GRM1: variants seen among roughly 807,000 people sequenced by gnomAD.
The protein encoded by GRM1 is metabotropic glutamate receptor 1.
GRM1 carries 33 observed loss-of-function variants against 90.9 expected under a neutral mutation model. The observed-to-expected ratio is 0.36, with a 90% CI of 0.28 to 0.49. The LOEUF is 0.49. GRM1 is among the 20% of genes least tolerant of loss of function. The pLI, the probability that GRM1 is intolerant of heterozygous loss-of-function variation, is 0.99. For missense variants in GRM1, 1,190 were observed against 1,534.3 expected, an observed-to-expected ratio of 0.78 and a Z score of 3.75; for synonymous variants, 700 against 613.2, an observed-to-expected ratio of 1.14 and a Z score of -2.09.
chr6:146,320,246 G>C (rs1784125999), intron 3 of GRM1, among the ~76,000 whole-genome samples: 1 of 152,140 alleles, frequency 6.6e-6, no homozygotes, highest in African/African-American at 2.4e-5. Flanking sequence ...CATTGGTTCT[G>C]TTTCTGTGAT....
intron 1 of GRM1, among the ~76,000 whole-genome samples, chr6:146,055,474 T>C (rs781681897): frequency 3.3e-5 from 5 of 152,152 alleles, no homozygotes; most frequent in African/African-American, 4.8e-5. Context: ...ATCAAAGTTA[T>C]TCCAAAATCA....
At chr6:146,186,880 G>A (rs964108269) in intron 2 of GRM1, among the ~76,000 whole-genome samples, 2 of 152,178 alleles carry the variant, frequency 1.3e-5, no homozygotes, top group Non-Finnish European at 2.9e-5. Flanking sequence ...AACTGTCTAA[G>A]AAGGGAGTTT....
chr6:146,164,567 C>T (rs1437683212), intron 2 of GRM1, among the ~76,000 whole-genome samples: 1 of 152,082 alleles, frequency 6.6e-6, no homozygotes, highest in Middle Eastern at 3.2e-3. Flanking sequence ...CTTCAATCAG[C>T]CTGTATCTGA....
chr6:146,166,550 T>A (rs1324701042), intron 2 of GRM1, among the ~76,000 whole-genome samples: 1 of 152,190 alleles, frequency 6.6e-6, no homozygotes, highest in Non-Finnish European at 1.5e-5. Context: ...AAAAACAATT[T>A]GCAGTTCTCT....
chr6:146,414,369 G>T (rs116280400), intron 7 of GRM1, among the ~76,000 whole-genome samples: 1 of 110,948 alleles, frequency 9.0e-6, no homozygotes, highest in East Asian at 3.4e-4. Flanking sequence ...TTATTGGGCC[G>T]TTTGCCTTTT....
intron 3 of GRM1, among the ~76,000 whole-genome samples, chr6:146,317,059 A>G (rs534260625): frequency 6.6e-6 from 1 of 152,336 alleles, no homozygotes; most frequent in East Asian, 1.9e-4. Context: ...ATTGAACCTA[A>G]CAGACTCCTA....
chr6:146,380,198 A>T (rs763296576), intron 5 of GRM1, among the ~76,000 whole-genome samples: 1 of 152,100 alleles, frequency 6.6e-6, no homozygotes, highest in Non-Finnish European at 1.5e-5. Context: ...CAGGACAGCA[A>T]GGTCTCCCAG....
Position 146,434,510 on chromosome 6 carries a change from G to A in GRM1, c.3299G>A (p.Ser1100Asn). Residue 1100 changes from serine (S) to asparagine (N), a missense_variant, in exon 8 of 8, where the codon AGC becomes AAC. Around this residue, in one of 10 missense-constraint regions of GRM1, gnomAD observed 400 missense variants for 360.8 expected, o/e 1.11. Coordinates refer to ENST00000282753, the MANE Select transcript of GRM1 (RefSeq NM_001278064.2). ...CCGCCCGCGGACGACGACGACGACA[G>A]CGAGAGGTTTAAGCTCCTCCAGGAG... is the stretch of plus-strand genomic sequence containing the variant. ...VSPPADDDDD[S>N]ERFKLLQEYV... 6.2e-7 allele frequency: 1 copy of A among 1,614,136 alleles called. No individual in the cohort carries two copies. The highest frequency in any genetic ancestry group is 8.5e-7 in the Non-Finnish European group (1 of 1,180,022).
chr6:146,174,035 A>G (rs1434478781), intron 2 of GRM1, among the ~76,000 whole-genome samples: 4 of 152,082 alleles, frequency 2.6e-5, no homozygotes, highest in Admixed American at 1.3e-4. Context: ...AAGAATATGA[A>G]TCCTTACTTG....
At chr6:146,358,044 T>C (rs1232931367) in intron 5 of GRM1, among the ~76,000 whole-genome samples, 1 of 152,192 alleles carries the variant, frequency 6.6e-6, no homozygotes, top group Non-Finnish European at 1.5e-5. Context: ...TTCTAGCTAT[T>C]GTTAAAGAAA....
chr6:146,039,415 A>G (rs376626683), intron 1 of GRM1, among the ~76,000 whole-genome samples: 1 of 152,000 alleles, frequency 6.6e-6, no homozygotes, highest in African/African-American at 2.4e-5. Context: ...TGGGAAAATG[A>G]GTGGGGAAGA....
rs185146382 is a variant in GRM1, at chr6:146,206,493, G to T, written c.950+46896G>T. On this transcript the variant is annotated intron_variant, in intron 2 of 7. Transcript: ENST00000282753. ...AGCAGAGTGGGCAAGTGGTCTTAGG[G>T]TCTCAGGGAGCTTGATTAAGAGGCA... 3.9e-5 allele frequency among the ~76,000 whole-genome samples: 6 copies of T among 152,172 alleles called. No homozygotes were observed. In the East Asian group the frequency reaches 1.2e-3, roughly 29 times the overall value.
At chr6:146,181,029 C>A (rs1778532984) in intron 2 of GRM1, among the ~76,000 whole-genome samples, 1 of 152,034 alleles carries the variant, frequency 6.6e-6, no homozygotes, top group African/African-American at 2.4e-5. Context: ...AAGAGAAATT[C>A]TGCTGAGGAG....
chr6:146,252,157 T>C (rs1781310555), intron 2 of GRM1, among the ~76,000 whole-genome samples: 1 of 152,052 alleles, frequency 6.6e-6, no homozygotes, highest in Non-Finnish European at 1.5e-5. Context: ...ACTGGTAAAG[T>C]GAAAAAAGGC....
rs1776287032 is a variant in GRM1, at chr6:146,380,613, G to T, written c.1603-6277G>T. Among the ~76,000 whole-genome samples the T allele has an allele frequency of 2.6e-5, 4 of 152,056 alleles. 1 individual carries two copies. In the South Asian group the frequency reaches 8.3e-4, roughly 32 times the overall value. On this transcript the variant is annotated intron_variant, in intron 5 of 7. Coordinates refer to ENST00000282753, the MANE Select transcript of GRM1 (RefSeq NM_001278064.2). ...TCAAGCTATGGAATCAAGGACCCAG[G>T]AGCCCATTTGATGTGGCCATGCTGG... is the stretch of plus-strand genomic sequence containing the variant.
At chr6:146,386,709 T>TC (rs2114528577) in intron 5 of GRM1, among the ~76,000 whole-genome samples, 181 bp from the exon 6 acceptor site, 1 of 152,216 alleles carries the variant, frequency 6.6e-6, no homozygotes, top group African/African-American at 2.4e-5. Flanking sequence ...GACAATTCCA[T>TC]CCAAACTCTA....
intron 2 of GRM1, among the ~76,000 whole-genome samples, chr6:146,214,549 A>C (rs1056789642): frequency 6.6e-6 from 1 of 152,174 alleles, no homozygotes. Flanking sequence ...ACAAAGACCC[A>C]AAAAGGATAT....
chr6:146,176,162 G>A (rs1273529331), intron 2 of GRM1, among the ~76,000 whole-genome samples: 2 of 151,934 alleles, frequency 1.3e-5, no homozygotes, highest in Non-Finnish European at 2.9e-5. Flanking sequence ...TTCAGTACCT[G>A]ATACACAATG....
chr6:146,430,341 G>C, intron 7 of GRM1, among the ~76,000 whole-genome samples: 1 of 152,162 alleles, frequency 6.6e-6, no homozygotes, highest in East Asian at 1.9e-4. Flanking sequence ...ACATCCTGTA[G>C]GCCTAACAGT....
Sources: allele counts gnomAD v4.1 joint callset (sites outside exome capture counted in the v4.1 genomes callset), GRCh38; gene constraint gnomAD v4.1.1; regional missense constraint gnomAD v4.1.1; transcripts MANE v1.5; gene names NCBI Gene and HGNC (gene_info 2026-07-23, HGNC 2026-07-21).